Variants in PSD2 observed in about 807,000 individuals in gnomAD.
The protein encoded by PSD2 is pleckstrin and Sec7 domain containing 2, also known as PH and SEC7 domain-containing protein 2.
In PSD2, 38 loss-of-function variants were observed where a neutral mutation model predicts 69.8. The observed-to-expected ratio is 0.54, with a 90% CI of 0.42 to 0.71. The LOEUF (loss-of-function observed/expected upper bound fraction) is 0.71. Ranked by LOEUF, PSD2 falls within the 30% of genes least tolerant of loss-of-function variation. PSD2 has a pLI of 0.00. For missense variants in PSD2, 943 were observed against 1,014.5 expected, an observed-to-expected ratio of 0.93 and a Z score of 0.96; for synonymous variants, 412 against 423.0, an observed-to-expected ratio of 0.97 and a Z score of 0.32.
chr5:139,798,931 C>T (rs1469533769), intron 1 of PSD2, among the ~76,000 whole-genome samples: 6 of 151,708 alleles, frequency 4.0e-5, no homozygotes, highest in Non-Finnish European at 8.8e-5. Context: ...TATTATGGCT[C>T]TTTAGTGTTT....
intron 7 of PSD2, among the ~76,000 whole-genome samples, chr5:139,827,745 T>C (rs777127643): frequency 6.6e-6 from 1 of 152,056 alleles, no homozygotes; most frequent in Non-Finnish European, 1.5e-5. Flanking sequence ...GAGAGAAGAA[T>C]GTAGGAGGAA....
At chr5:139,830,891 A>G (rs1581734753) in intron 7 of PSD2, among the ~76,000 whole-genome samples, 1 of 69,542 alleles carries the variant, frequency 1.4e-5, no homozygotes. Flanking sequence ...CAGATTTTCT[A>G]TTTCTTCTTG....
intron 1 of PSD2, among the ~76,000 whole-genome samples, chr5:139,807,396 T>C (rs1759837299): frequency 6.7e-6 from 1 of 148,200 alleles, no homozygotes; most frequent in South Asian, 2.3e-4. Context: ...AAGTGACTTC[T>C]TGTTTCTCCT....
rs1449134209 is a variant in PSD2 at position 139,813,469 on chromosome 5, G to A, written c.532G>A (p.Ala178Thr). 5 of 1,613,842 alleles carry A rather than the reference G, an allele frequency of 3.1e-6. No individual in the cohort carries two copies. Among genetic ancestry groups the A allele is most frequent in the Non-Finnish European group, 4.2e-6 (5 of 1,179,856 alleles). Residue 178 changes from alanine to threonine, a missense_variant, in exon 3 of 15, where the codon GCC becomes ACC. Ala to Thr is a moderately conservative substitution (Grantham distance 58). Transcript: ENST00000274710. ...GAGCGACAGCTGCGTCAGCTTCGAG[G>A]CCCCCCTCACACCCCTCATCCAGCA... The part of the protein sequence containing the change: ...DESDSCVSFE[A>T]PLTPLIQQRA...
At chr5:139,810,166 A>C (rs1159038257) in intron 2 of PSD2, among the ~76,000 whole-genome samples, 3 of 152,234 alleles carry the variant, frequency 2.0e-5, no homozygotes, top group Non-Finnish European at 2.9e-5. Flanking sequence ...TGCTTCCTGG[A>C]AATGAGACTC....
chr5:139,753,459 G>C, the PSD2 span, among the ~76,000 whole-genome samples: 2 of 152,258 alleles, frequency 1.3e-5, no homozygotes, highest in Admixed American at 1.3e-4. Context: ...TCTGAGGTTT[G>C]GCTCATAAAG....
At chr5:139,822,254 T>C (rs1036500717) in intron 6 of PSD2, among the ~76,000 whole-genome samples, 1 of 152,228 alleles carries the variant, frequency 6.6e-6, no homozygotes, top group African/African-American at 2.4e-5. Flanking sequence ...GCCTCGGGAT[T>C]CAGCTCTGGG....
chr5:139,769,259 A>C, the PSD2 span, among the ~76,000 whole-genome samples: 2 of 152,112 alleles, frequency 1.3e-5, no homozygotes, highest in Non-Finnish European at 2.9e-5. Context: ...CTACGGCTGC[A>C]GCAGAGCAGG....
chr5:139,745,289 C>T, the PSD2 span: 1 of 152,374 alleles, frequency 6.6e-6, no homozygotes, highest in African/African-American at 2.4e-5. Context: ...GGGTTAGAAC[C>T]CCACTAGAGT....
chr5:139,837,050 G>A lies in PSD2; in HGVS notation c.1594+49G>A, dbSNP rs199955965. On this transcript the variant is annotated intron_variant, in intron 10 of 14. Transcript: ENST00000274710. This position sits in a 1 kb window ranked among gnomAD's most constrained non-coding sequence, Gnocchi z 5.0. ...GCATGGGAGGGAGGCTGGCACAGAG[G>A]GGGGCGCCACGGGCCACTCTTTGGG... 3.8e-6 allele frequency: 6 copies of A among 1,597,584 alleles called. No homozygotes were observed. The South Asian group carries it at 4.5e-5, about 12-fold the overall frequency.
At chr5:139,796,456 T>A (rs746284757) in intron 1 of PSD2, among the ~76,000 whole-genome samples, 25 of 152,188 alleles carry the variant, frequency 1.6e-4, no homozygotes, top group Non-Finnish European at 2.9e-4. Flanking sequence ...GATTTATTTC[T>A]GTTTCCAGTT....
chr5:139,807,518 G>A (rs949774777), intron 1 of PSD2, among the ~76,000 whole-genome samples: 2 of 152,138 alleles, frequency 1.3e-5, no homozygotes, highest in Admixed American at 6.5e-5. Flanking sequence ...AGAGGTCTCC[G>A]ATGTCCTAGG....
intron 7 of PSD2, among the ~76,000 whole-genome samples, chr5:139,831,420 TC>T (rs1254208933): frequency 6.6e-6 from 1 of 152,230 alleles, no homozygotes; most frequent in Non-Finnish European, 1.5e-5. Flanking sequence ...TTTAAGTATA[TC>T]AAGTGACTGT....
upstream of PSD2, among the ~76,000 whole-genome samples, chr5:139,792,732 CTCTT>C (rs374350743): frequency 2.4e-3 from 362 of 151,866 alleles, 1 homozygote; most frequent in African/African-American, 7.6e-3. Flanking sequence ...TTTTCTTTCT[CTCTT>C]TCTTTTTTCT....
At chr5:139,835,257 C>T (rs376888830) in intron 8 of PSD2, among the ~76,000 whole-genome samples, 1 of 152,144 alleles carries the variant, frequency 6.6e-6, no homozygotes, top group East Asian at 1.9e-4. Flanking sequence ...CTCATATACC[C>T]TCTGTCTACC....
the PSD2 span, among the ~76,000 whole-genome samples, chr5:139,765,351 A>C: frequency 6.6e-6 from 1 of 151,570 alleles, no homozygotes; most frequent in Non-Finnish European, 1.5e-5. Flanking sequence ...GGTACCACTT[A>C]AATAGCCCCC....
chr5:139,814,026 C>T lies in PSD2; in HGVS notation c.822-144C>T. On this transcript the variant is annotated intron_variant, in intron 3 of 14. Coordinates refer to ENST00000274710, the MANE Select transcript of PSD2 (RefSeq NM_032289.4). The surrounding 1 kb of genome is among the most constrained non-coding windows in gnomAD (Gnocchi z 4.4). Reference sequence around the variant, plus strand: ...AGAGGTTCTTCTGAAAGTCTGATTTCATTCCCTCCGGCTGCAGTGGAGCTT... The same window carrying T: ...AGAGGTTCTTCTGAAAGTCTGATTTTATTCCCTCCGGCTGCAGTGGAGCTT... 1 of 811,488 alleles carries T rather than the reference C, an allele frequency of 1.2e-6. No individual in the cohort carries two copies. Among genetic ancestry groups the T allele is most frequent in the Non-Finnish European group, 2.0e-6 (1 of 501,640 alleles). 50.3% of individuals were successfully genotyped at this position (811,488 alleles called of 1,614,324 possible).
the PSD2 span, among the ~76,000 whole-genome samples, chr5:139,756,068 C>T: frequency 1.3e-5 from 2 of 152,218 alleles, no homozygotes; most frequent in East Asian, 1.9e-4. Context: ...CAGCCCCCAC[C>T]CCCAGTCACG....
At chr5:139,797,163 G>T (rs1759553446) in intron 1 of PSD2, among the ~76,000 whole-genome samples, 1 of 152,198 alleles carries the variant, frequency 6.6e-6, no homozygotes, top group South Asian at 2.1e-4. Context: ...AAGTTCTGGG[G>T]CCTGGGATCT....
Sources: gnomAD v4.1 joint callset for allele counts (sites outside exome capture counted in the v4.1 genomes callset) on GRCh38, gnomAD v4.1.1 for gene constraint, Gnocchi (gnomAD v3.1) non-coding constraint, MANE v1.5 for transcripts, NCBI Gene and HGNC (gene_info 2026-07-23, HGNC 2026-07-21) for gene names.